SEMA6D: variants seen among roughly 807,000 people sequenced by gnomAD.
SEMA6D encodes the protein semaphorin 6D.
SEMA6D carries 35 observed loss-of-function variants against 106.6 expected under a neutral mutation model. The ratio of observed to expected loss-of-function variants is 0.33; its 90% confidence interval spans 0.25 to 0.44. The LOEUF (loss-of-function observed/expected upper bound fraction) is 0.44. Ranked by LOEUF, SEMA6D falls within the 20% of genes least tolerant of loss-of-function variation. The probability of loss-of-function intolerance (pLI) is 1.00; values close to 1 mark genes in which losing one functional copy is unlikely to be tolerated. For missense variants in SEMA6D, 1,185 were observed against 1,345.9 expected (o/e 0.88, Z 1.87); for synonymous variants, 499 against 487.7 (o/e 1.02, Z -0.31).
At chr15:47,596,281 G>A (rs903308894) in intron 3 of SEMA6D, among the ~76,000 whole-genome samples, 7 of 152,046 alleles carry the variant, frequency 4.6e-5, no homozygotes, top group Non-Finnish European at 8.8e-5. Flanking sequence ...AAAAGAAACT[G>A]AAGACACAAA....
chr15:47,613,609 G>C (rs569836419), intron 4 of SEMA6D, among the ~76,000 whole-genome samples: 1 of 152,150 alleles, frequency 6.6e-6, no homozygotes, highest in South Asian at 2.1e-4. Context: ...TAGAAGTACA[G>C]TATATCTGGA....
intron 1 of SEMA6D, among the ~76,000 whole-genome samples, chr15:47,362,406 G>A (rs1311396308): frequency 6.6e-6 from 1 of 152,122 alleles, no homozygotes; most frequent in African/African-American, 2.4e-5. Context: ...CTTTTTTCAT[G>A]ATACTGGAAC....
Position 47,763,958 on chromosome 15 carries a change from GT to G in SEMA6D, c.857del (p.Val286AlafsTer18). ...SFLKARLNCS[V>X]PGDSFFYFDV... ...TCTAAAGGCTCGGCTGAACTGTTCT[GT>G]CCCTGGAGATTCGTTTTTCTACTTT... On this transcript the variant is annotated frameshift_variant, in exon 10 of 19. Coordinates refer to ENST00000536845, the MANE Select transcript of SEMA6D (RefSeq NM_001358351.3). LOFTEE classifies it high-confidence loss of function. 1 of 1,613,990 alleles carries G rather than the reference GT, an allele frequency of 6.2e-7. No individual in the cohort carries two copies. The highest frequency in any genetic ancestry group is 8.5e-7 in the Non-Finnish European group (1 of 1,179,894).
intron 1 of SEMA6D, among the ~76,000 whole-genome samples, chr15:47,255,794 G>A (rs941062077): frequency 6.6e-6 from 1 of 152,016 alleles, no homozygotes; most frequent in Non-Finnish European, 1.5e-5. Context: ...TTTATATTGT[G>A]CTTATCTCTA....
chr15:47,474,072 A>G (rs1015422109), intron 3 of SEMA6D, among the ~76,000 whole-genome samples: 1 of 152,212 alleles, frequency 6.6e-6, no homozygotes, highest in Non-Finnish European at 1.5e-5. Context: ...CTTAATTCCT[A>G]GCTGGCTGGA....
At chr15:47,577,035 T>C (rs1356557696) in intron 3 of SEMA6D, among the ~76,000 whole-genome samples, 1 of 152,232 alleles carries the variant, frequency 6.6e-6, no homozygotes, top group Non-Finnish European at 1.5e-5. Flanking sequence ...TGTGTTTCTG[T>C]TTCTGTTTCT....
chr15:47,704,634 C>T (rs2078878068), intron 4 of SEMA6D, among the ~76,000 whole-genome samples: 1 of 152,082 alleles, frequency 6.6e-6, no homozygotes, highest in Admixed American at 6.6e-5. Flanking sequence ...CTGATTGAGC[C>T]CAGGAGCTCA....
chr15:47,698,628 A>T (rs920238753), intron 4 of SEMA6D, among the ~76,000 whole-genome samples: 17 of 152,192 alleles, frequency 1.1e-4, no homozygotes, highest in African/African-American at 3.9e-4. Flanking sequence ...CCCTTCTTCC[A>T]TCTTTTCCTC....
intron 1 of SEMA6D, among the ~76,000 whole-genome samples, chr15:47,231,998 A>G (rs2032227641): frequency 6.6e-6 from 1 of 152,010 alleles, no homozygotes; most frequent in African/African-American, 2.4e-5. Flanking sequence ...CCTGTGAGTA[A>G]TCAATCCCAA....
intron 1 of SEMA6D, among the ~76,000 whole-genome samples, chr15:47,355,594 A>G (rs1300627408): frequency 6.6e-6 from 1 of 152,194 alleles, no homozygotes; most frequent in African/African-American, 2.4e-5. Flanking sequence ...GGTTTGCTCT[A>G]ACTCCTTTTT....
chr15:47,279,019 T>G, intron 1 of SEMA6D, among the ~76,000 whole-genome samples: 1 of 132,204 alleles, frequency 7.6e-6, no homozygotes, highest in Admixed American at 8.1e-5. Flanking sequence ...TACTGTAGCC[T>G]TGTAGTATAG....
intron 4 of SEMA6D, among the ~76,000 whole-genome samples, chr15:47,669,816 T>TTGAAGTCTGACCTGGACTTGAAGC (rs2078104942): frequency 1.3e-5 from 2 of 152,198 alleles, no homozygotes; most frequent in Non-Finnish European, 2.9e-5. Flanking sequence ...ACAAACCGCC[T>TTGAAGTCTGACCTGGACTTGAAGC]TGAAGTCTGA....
At chr15:47,732,673 A>C (rs968753525) in intron 1 of SEMA6D, among the ~76,000 whole-genome samples, 2 of 152,190 alleles carry the variant, frequency 1.3e-5, no homozygotes, top group Non-Finnish European at 2.9e-5. Context: ...GTGTACATTA[A>C]ACACATTTGT....
chr15:47,328,895 C>T (rs1221466527), intron 1 of SEMA6D, among the ~76,000 whole-genome samples: 1 of 152,186 alleles, frequency 6.6e-6, no homozygotes. Flanking sequence ...TAATTATTCT[C>T]CATTGAGTCA....
At chr15:47,549,657 T>C (rs1160350449) in intron 3 of SEMA6D, among the ~76,000 whole-genome samples, 1 of 152,178 alleles carries the variant, frequency 6.6e-6, no homozygotes, top group Non-Finnish European at 1.5e-5. Context: ...TAAATTCATT[T>C]GTGTGCTACC....
intron 3 of SEMA6D, among the ~76,000 whole-genome samples, chr15:47,567,795 G>GT (rs2046270896): frequency 6.6e-6 from 1 of 152,274 alleles, no homozygotes; most frequent in South Asian, 2.1e-4. Flanking sequence ...CTGGGATATG[G>GT]TAGGCCCTTA....
At chr15:47,354,779 C>T (rs2038497757) in intron 1 of SEMA6D, among the ~76,000 whole-genome samples, 1 of 152,006 alleles carries the variant, frequency 6.6e-6, no homozygotes. Flanking sequence ...TGGTCTACAA[C>T]AGGCCTTGCA....
At chr15:47,729,860 A>T (rs1266126487) in intron 1 of SEMA6D, among the ~76,000 whole-genome samples, 1 of 152,252 alleles carries the variant, frequency 6.6e-6, no homozygotes, top group African/African-American at 2.4e-5. Flanking sequence ...TCGAAAAAGG[A>T]GCTGAGAGTC....
chr15:47,449,913 C>T (rs768156464), intron 2 of SEMA6D, among the ~76,000 whole-genome samples: 21 of 151,962 alleles, frequency 1.4e-4, no homozygotes, highest in Non-Finnish European at 2.8e-4. Flanking sequence ...TGTGTTTAGC[C>T]GTCCCTGAGT....
Sources: allele counts gnomAD v4.1 joint callset (sites outside exome capture counted in the v4.1 genomes callset), GRCh38; gene constraint gnomAD v4.1.1; transcripts MANE v1.5; gene names NCBI Gene and HGNC (gene_info 2026-07-23, HGNC 2026-07-21).